The following DERA variants were observed in gnomAD, a reference collection of about 807,000 sequenced individuals.
DERA encodes 2-deoxy-D-ribose 5-phosphate aldolase.
A neutral mutation model predicts 41.1 loss-of-function variants in DERA; 15 were observed. The ratio of observed to expected loss-of-function variants is 0.37; its 90% CI spans 0.24 to 0.56. The LOEUF (loss-of-function observed/expected upper bound fraction) is 0.56, where lower values mean the gene tolerates loss of function less well. DERA is among the 20% of genes least tolerant of loss of function. The pLI, the probability that DERA is intolerant of heterozygous loss-of-function variation, is 0.81. For synonymous variants in DERA, 139 were observed against 137.4 expected (o/e 1.01, Z -0.08); for missense variants, 396 against 403.4 (o/e 0.98, Z 0.16).
rs966856886 is a variant in DERA at position 15,935,831 on chromosome 12, C to T, written c.32-21105C>T. On this transcript the variant is annotated intron_variant, in intron 1 of 8. Transcript: ENST00000428559. This position sits in a 1 kb window ranked among gnomAD's most constrained non-coding sequence, Gnocchi z 4.8. ...CTCTGGGTCAAAAATTTGAGAATGGCTTAGCTGGGTGGTTCTGGCTTGGGG... is the reference window on the plus strand; with the variant it reads ...CTCTGGGTCAAAAATTTGAGAATGGTTTAGCTGGGTGGTTCTGGCTTGGGG... Among the ~76,000 whole-genome samples, 2 of 152,144 alleles carry T rather than the reference C, an allele frequency of 1.3e-5. No homozygotes were observed. The highest frequency in any genetic ancestry group is 2.9e-5 in the Non-Finnish European group (2 of 68,026).
At chr12:15,934,027 G>C (rs1948347934) in intron 1 of DERA, among the ~76,000 whole-genome samples, 1 of 152,196 alleles carries the variant, frequency 6.6e-6, no homozygotes, top group South Asian at 2.1e-4. Context: ...CAAGTTGGTT[G>C]TACTAGGATA....
At chr12:15,980,079 G>C (rs1948722881) in intron 5 of DERA, among the ~76,000 whole-genome samples, 1 of 152,184 alleles carries the variant, frequency 6.6e-6, no homozygotes, top group Non-Finnish European at 1.5e-5. Flanking sequence ...AATAAGATTT[G>C]ACTTTTATAA....
rs571229715 is a variant in DERA, at chr12:15,988,599, A to T, written c.637+6163A>T. 3.2e-4 allele frequency among the ~76,000 whole-genome samples: 49 copies of T among 152,266 alleles called. 1 individual carries two copies. Among genetic ancestry groups the T allele is most frequent in the African/African-American group, 1.1e-3 (44 of 41,568 alleles). On this transcript the variant is annotated intron_variant, in intron 6 of 8. Coordinates refer to ENST00000428559, the MANE Select transcript of DERA (RefSeq NM_015954.4). The surrounding 1 kb of genome is among the most constrained non-coding windows in gnomAD (Gnocchi z 6.0). Reference sequence around the variant, plus strand: ...CATGGGCGGCCATGGATGGGCCTGGAAAAAGCACCATCGGACTGCCTGAAT... The same window carrying T: ...CATGGGCGGCCATGGATGGGCCTGGTAAAAGCACCATCGGACTGCCTGAAT...
intron 5 of DERA, among the ~76,000 whole-genome samples, chr12:15,973,979 A>G (rs1948681277): frequency 6.6e-6 from 1 of 152,162 alleles, no homozygotes; most frequent in African/African-American, 2.4e-5. Context: ...GGTACGCAAA[A>G]CTACAGTTTT....
rs556733860 is a variant in DERA, at chr12:15,985,008, T to G, written c.637+2572T>G. Among the ~76,000 whole-genome samples, 4 of 152,348 alleles carry G rather than the reference T, an allele frequency of 2.6e-5. No individual in the cohort carries two copies. The highest frequency in any genetic ancestry group is 9.6e-5 in the African/African-American group (4 of 41,582). ...TCAATTTCATTGAGGCAGATTTGCA[T>G]TCAGTAAAATTCAGGTGTTAGATAG... On this transcript the variant is annotated intron_variant, in intron 6 of 8. Coordinates refer to ENST00000428559, the MANE Select transcript of DERA (RefSeq NM_015954.4). This position sits in a 1 kb window ranked among gnomAD's most constrained non-coding sequence, Gnocchi z 4.2.
chr12:15,965,041 T>C lies in DERA; in HGVS notation c.508+2094T>C, dbSNP rs1382501210. Reference sequence around the variant, plus strand: ...TTAATACTAGAAATTTAATTCTAAATAGAAACCTGAAATGACTTAGGACTT... The same window carrying C: ...TTAATACTAGAAATTTAATTCTAAACAGAAACCTGAAATGACTTAGGACTT... On this transcript the variant is annotated intron_variant, in intron 5 of 8. Transcript: ENST00000428559. This position sits in a 1 kb window ranked among gnomAD's most constrained non-coding sequence, Gnocchi z 4.1. Among the ~76,000 whole-genome samples, 1 of 152,236 alleles carries C rather than the reference T, an allele frequency of 6.6e-6. No individual in the cohort carries two copies. The highest frequency in any genetic ancestry group is 1.9e-4 in the East Asian group (1 of 5,202).
chr12:15,936,298 A>G lies in DERA; in HGVS notation c.32-20638A>G, dbSNP rs1948363718. Among the ~76,000 whole-genome samples the G allele has an allele frequency of 6.6e-6, 1 of 152,192 alleles. No homozygotes were observed. Among genetic ancestry groups the G allele is most frequent in the Admixed American group, 6.5e-5 (1 of 15,284 alleles). ...CTTGCTTTTGTATTAGTTTCTTCCT[A>G]TGGCTAAAGATTTCAAACATTCAGA... is the stretch of plus-strand genomic sequence containing the variant. On this transcript the variant is annotated intron_variant, in intron 1 of 8. Coordinates refer to ENST00000428559, the MANE Select transcript of DERA (RefSeq NM_015954.4). The surrounding 1 kb of genome is among the most constrained non-coding windows in gnomAD (Gnocchi z 4.6).
rs1319951160 is a variant in DERA, at chr12:15,990,829, C to T, written c.637+8393C>T. ...TAGTAGTCCATGGTGCATATATATACACCACATTTTATTTATCCAGTCTAT... is the reference window on the plus strand; with the variant it reads ...TAGTAGTCCATGGTGCATATATATATACCACATTTTATTTATCCAGTCTAT... On this transcript the variant is annotated intron_variant, in intron 6 of 8. Transcript: ENST00000428559. The surrounding 1 kb of genome is among the most constrained non-coding windows in gnomAD (Gnocchi z 4.3). Among the ~76,000 whole-genome samples the T allele has an allele frequency of 6.6e-6, 1 of 152,044 alleles. No homozygotes were observed. The highest frequency in any genetic ancestry group is 1.9e-4 in the East Asian group (1 of 5,200).
chr12:15,997,372 A>G (rs1367760847), intron 6 of DERA, among the ~76,000 whole-genome samples: 2 of 152,182 alleles, frequency 1.3e-5, no homozygotes, highest in African/African-American at 4.8e-5. Flanking sequence ...GAATGAAAAA[A>G]ATGATTTTTT....
Position 16,036,452 on chromosome 12 carries a change from T to G in DERA, c.900+71T>G. On this transcript the variant is annotated intron_variant, in intron 8 of 8. Transcript: ENST00000428559. This position sits in a 1 kb window ranked among gnomAD's most constrained non-coding sequence, Gnocchi z 4.9. ...TGAGAAAGGAATTGAAAAGTCAAAT[T>G]GAGAACTGGAGATAAAAACTCATCT... The G allele has an allele frequency of 2.0e-6, 3 of 1,498,788 alleles. No individual in the cohort carries two copies. The highest frequency in any genetic ancestry group is 2.7e-6 in the Non-Finnish European group (3 of 1,112,262). 92.8% of individuals were successfully genotyped at this position (1,498,788 alleles called of 1,614,324 possible).
intron 6 of DERA, among the ~76,000 whole-genome samples, chr12:16,005,896 C>T (rs557942755): frequency 6.6e-6 from 1 of 152,306 alleles, no homozygotes; most frequent in Admixed American, 6.5e-5. Flanking sequence ...GAACACATAA[C>T]TGTAAGAGCA....
Position 16,004,113 on chromosome 12 carries a change from T to TG in DERA, c.637+21677_637+21678insG, listed in dbSNP as rs1948893922. On this transcript the variant is annotated intron_variant, in intron 6 of 8. Transcript: ENST00000428559. The surrounding 1 kb of genome is among the most constrained non-coding windows in gnomAD (Gnocchi z 4.2). ...CAGCCGGCTGTGAATTTACAAACTT[T>TG]TGGAATGCAATCTATTTCTAGGTTG... 6.6e-6 allele frequency among the ~76,000 whole-genome samples: 1 copy of TG among 152,202 alleles called. No individual in the cohort carries two copies. Among genetic ancestry groups the TG allele is most frequent in the African/African-American group, 2.4e-5 (1 of 41,450 alleles).
rs919929487 is a variant in DERA at position 15,918,779 on chromosome 12, G to C, written c.31+7365G>C. Among the ~76,000 whole-genome samples the C allele has an allele frequency of 1.2e-4, 19 of 152,088 alleles. No homozygotes were observed. Among genetic ancestry groups the C allele is most frequent in the African/African-American group, 4.6e-4 (19 of 41,420 alleles). The stretch of plus-strand genomic sequence containing the variant: ...TAAAACTGACAACAGGAACGTGGTG[G>C]GATTGGAAGGATAAAGACGAATTCA... On this transcript the variant is annotated intron_variant, in intron 1 of 8. Transcript: ENST00000428559. The surrounding 1 kb of genome is among the most constrained non-coding windows in gnomAD (Gnocchi z 4.3).
rs897382407 is a variant in DERA at position 16,011,483 on chromosome 12, G to A, written c.638-21059G>A. ...TTGAGTATTGTATCAACGGAGTTTCGATTTTGGAGCATTTCAGACGTTCAG... is the reference window on the plus strand; with the variant it reads ...TTGAGTATTGTATCAACGGAGTTTCAATTTTGGAGCATTTCAGACGTTCAG... On this transcript the variant is annotated intron_variant, in intron 6 of 8. Transcript: ENST00000428559. The surrounding 1 kb of genome is among the most constrained non-coding windows in gnomAD (Gnocchi z 4.7). Among the ~76,000 whole-genome samples, 6 of 152,116 alleles carry A rather than the reference G, an allele frequency of 3.9e-5. No homozygotes were observed. The highest frequency in any genetic ancestry group is 2.0e-4 in the Admixed American group (3 of 15,268).
chr12:15,969,209 G>C (rs1948643846), intron 5 of DERA, among the ~76,000 whole-genome samples: 2 of 152,146 alleles, frequency 1.3e-5, no homozygotes. Flanking sequence ...AAATCTTATT[G>C]AGCAGGTTTT....
In DERA at chr12:15,994,238, A is replaced by G. The variant is rs1204026669; in HGVS notation, c.637+11802A>G. On this transcript the variant is annotated intron_variant, in intron 6 of 8. Transcript: ENST00000428559. The surrounding 1 kb of genome is among the most constrained non-coding windows in gnomAD (Gnocchi z 4.8). ...CAGTGGCATCAATGATATATCTGTA[A>G]TCAACTTGTATAGAAACCAATTTTT... 6.6e-6 allele frequency among the ~76,000 whole-genome samples: 1 copy of G among 152,240 alleles called. No homozygotes were observed. The highest frequency in any genetic ancestry group is 1.5e-5 in the Non-Finnish European group (1 of 68,042).
chr12:15,946,007 T>G (rs1948445307), intron 1 of DERA, among the ~76,000 whole-genome samples: 1 of 152,198 alleles, frequency 6.6e-6, no homozygotes, highest in Non-Finnish European at 1.5e-5. Context: ...TGTCTTTGCT[T>G]CTGTTTATAT....
rs1251486575 is a variant in DERA at position 15,926,714 on chromosome 12, GC to G, written c.31+15301del. On this transcript the variant is annotated intron_variant, in intron 1 of 8. Transcript: ENST00000428559. Reference sequence around the variant, plus strand: ...TCCCACCACTGCACTCCCGCCTGGGGCGACAGAGCGAGACTCCGTCTCAAAA... The same window carrying G: ...TCCCACCACTGCACTCCCGCCTGGGGGACAGAGCGAGACTCCGTCTCAAAA... Among the ~76,000 whole-genome samples, 11 of 148,532 alleles carry G rather than the reference GC, an allele frequency of 7.4e-5. No individual in the cohort carries two copies. In the South Asian group the frequency reaches 2.4e-3, roughly 32 times the overall value.
chr12:15,977,352 C>G (rs537747191), intron 5 of DERA, among the ~76,000 whole-genome samples: 1 of 152,184 alleles, frequency 6.6e-6, no homozygotes, highest in Non-Finnish European at 1.5e-5. Context: ...TGAGGAAATA[C>G]AGTTTTATTC....
Sources: gnomAD v4.1 joint callset for allele counts (sites outside exome capture counted in the v4.1 genomes callset) on GRCh38, gnomAD v4.1.1 for gene constraint, Gnocchi (gnomAD v3.1) non-coding constraint, MANE v1.5 for transcripts, NCBI Gene and HGNC (gene_info 2026-07-23, HGNC 2026-07-21) for gene names.